Variants in SPATA31E1 observed in about 807,000 individuals in gnomAD.
SPATA31E1 encodes SPATA31 subfamily E member 1.
SPATA31E1 carries 7 observed loss-of-function variants against 12.9 expected under a neutral mutation model. That is an observed-to-expected ratio of 0.54 (90% CI 0.31 to 1.02). SPATA31E1 has a LOEUF of 1.02. SPATA31E1 is among the 50% of genes least tolerant of loss of function. The pLI is 0.05. For synonymous variants in SPATA31E1, 771 were observed against 719.0 expected, an observed-to-expected ratio of 1.07 and a Z score of -1.16; for missense variants, 1,961 against 1,799.8, an observed-to-expected ratio of 1.09 and a Z score of -1.62.
In SPATA31E1 at chr9:87,888,367, G is replaced by A. The variant is rs758329212; in HGVS notation, c.3880G>A (p.Ala1294Thr). 2.5e-5 allele frequency: 40 copies of A among 1,614,088 alleles called. No individual in the cohort carries two copies. The highest frequency in any genetic ancestry group is 5.1e-6 in the Non-Finnish European group (6 of 1,180,040). ...EDVLQKGKPG[A>T]DAFQSWGSGP... ...TGTCCTGCAGAAAGGCAAGCCTGGG[G>A]CAGATGCTTTCCAGAGCTGGGGGTC... Residue 1294 changes from alanine to threonine, a missense_variant, in exon 4 of 4, where the codon GCA becomes ACA. Physicochemically the swap from Ala to Thr is moderately conservative, Grantham distance 58. Coordinates refer to ENST00000325643, the MANE Select transcript of SPATA31E1 (RefSeq NM_178828.5).
In SPATA31E1 at chr9:87,886,929, G is replaced by A; in HGVS notation, c.2442G>A (p.Gly814=). Reference sequence around the variant, plus strand: ...GGAAGCTGGCATCCTGGAGGGGTGGGAAAGCCCACGTGAACACCTCCCAGG... The same window carrying A: ...GGAAGCTGGCATCCTGGAGGGGTGGAAAAGCCCACGTGAACACCTCCCAGG... ...KPGKLASWRG[G]KAHVNTSQEL... The change falls in exon 4 of 4, where the codon GGG becomes GGA. Residue 814 remains glycine, a synonymous_variant. Transcript: ENST00000325643. 1 of 1,614,078 alleles carries A rather than the reference G, an allele frequency of 6.2e-7. No individual in the cohort carries two copies. Among genetic ancestry groups the A allele is most frequent in the Non-Finnish European group, 8.5e-7 (1 of 1,180,016 alleles).
Position 87,887,780 on chromosome 9 carries a change from G to C in SPATA31E1, c.3293G>C (p.Ser1098Thr). 1 of 1,613,974 alleles carries C rather than the reference G, an allele frequency of 6.2e-7. No homozygotes were observed. Among genetic ancestry groups the C allele is most frequent in the Non-Finnish European group, 8.5e-7 (1 of 1,180,002 alleles). Residue 1098 changes from serine (S) to threonine (T), a missense_variant, in exon 4 of 4, where the codon AGT (serine) becomes ACT (threonine). By Grantham distance (58) the Ser-to-Thr change is moderately conservative (BLOSUM62 1). Coordinates refer to ENST00000325643, the MANE Select transcript of SPATA31E1 (RefSeq NM_178828.5). ...EQLHLKAQVVSEIALIVQVDS... is the reference protein window; with the variant it reads ...EQLHLKAQVVTEIALIVQVDS... ...CTGCACCTGAAAGCGCAGGTGGTCAGTGAGATTGCGCTCATAGTGCAGGTG... is the reference window on the plus strand; with the variant it reads ...CTGCACCTGAAAGCGCAGGTGGTCACTGAGATTGCGCTCATAGTGCAGGTG...
chr9:87,887,800 C>T lies in SPATA31E1; in HGVS notation c.3313C>T (p.Gln1105Ter), dbSNP rs1463750607. Residue 1105 changes from glutamine to a stop codon, truncating the protein, a stop_gained, in exon 4 of 4, where the codon CAG (glutamine) becomes TAG (stop). Transcript: ENST00000325643. LOFTEE classifies it low-confidence loss of function (END_TRUNC). ...GGTCAGTGAGATTGCGCTCATAGTG[C>T]AGGTGGACTCAGAGGAGCAGCTGCC... Reference protein sequence around the residue: ...QVVSEIALIVQVDSEEQLPGR... With the variant: ...QVVSEIALIV The T allele has an allele frequency of 5.0e-6, 8 of 1,613,928 alleles. No homozygotes were observed. The highest frequency in any genetic ancestry group is 4.0e-5 in the African/African-American group (3 of 75,050).
Position 87,888,611 on chromosome 9 carries a change from T to C in SPATA31E1, c.4124T>C (p.Leu1375Pro), listed in dbSNP as rs565801072. 2.5e-6 allele frequency: 4 copies of C among 1,613,904 alleles called. No homozygotes were observed. Among genetic ancestry groups the C allele is most frequent in the East Asian group, 2.2e-5 (1 of 44,850 alleles). Reference protein sequence around the residue: ...HQERSREMRALACSPKATPKG... With the variant: ...HQERSREMRAPACSPKATPKG... ...GAACGTAGCAGAGAGATGAGAGCTC[T>C]GGCCTGCAGCCCTAAAGCCACCCCC... The change falls in exon 4 of 4, where the codon CTG (leucine) becomes CCG (proline). Residue 1375 changes from leucine to proline, a missense_variant. Leu to Pro is a moderately conservative substitution (Grantham distance 98). Transcript: ENST00000325643.
In SPATA31E1 at chr9:87,886,700, G is replaced by A. The variant is rs1380611446; in HGVS notation, c.2213G>A (p.Gly738Asp). 4 of 1,613,838 alleles carry A rather than the reference G, an allele frequency of 2.5e-6. No individual in the cohort carries two copies. Among genetic ancestry groups the A allele is most frequent in the Admixed American group, 3.3e-5 (2 of 60,000 alleles). Residue 738 changes from glycine to aspartate, a missense_variant, in exon 4 of 4, where the codon GGT becomes GAT. By Grantham distance (94) the Gly-to-Asp change is moderately conservative. Coordinates refer to ENST00000325643, the MANE Select transcript of SPATA31E1 (RefSeq NM_178828.5). ...CTGGACGAAGACAAGGAGGCAGAAG[G>A]TGACTTACGGAGGTCCTGGAAGTAC... is the stretch of plus-strand genomic sequence containing the variant. ...KALDEDKEAE[G>D]DLRRSWKYQS...
intron 1 of SPATA31E1, 26 bp from the exon 2 acceptor site, chr9:87,883,966 G>GCC: frequency 1.9e-6 from 3 of 1,596,814 alleles, no homozygotes; most frequent in Non-Finnish European, 2.6e-6. Flanking sequence ...ACTGGTCCCA[G>GCC]CCCCTCATCC....
Position 87,888,589 on chromosome 9 carries a change from C to T in SPATA31E1, c.4102C>T (p.Arg1368Cys), listed in dbSNP as rs376594685. The change falls in exon 4 of 4, where the codon CGT becomes TGT. Residue 1368 changes from arginine (R) to cysteine (C), a missense_variant. Arg to Cys is a radical substitution (Grantham distance 180, BLOSUM62 -3). Coordinates refer to ENST00000325643, the MANE Select transcript of SPATA31E1 (RefSeq NM_178828.5). ...CCACAGGGGTCACTGCCACCAAGAA[C>T]GTAGCAGAGAGATGAGAGCTCTGGC... ...CCHRGHCHQERSREMRALACS... is the reference protein window; with the variant it reads ...CCHRGHCHQECSREMRALACS... 215 of 1,614,022 alleles carry T rather than the reference C, an allele frequency of 1.3e-4. 1 individual carries two copies. Among genetic ancestry groups the T allele is most frequent in the South Asian group, 8.5e-4 (77 of 91,082 alleles).
Position 87,886,503 on chromosome 9 carries a change from G to A in SPATA31E1, c.2016G>A (p.Gln672=). The A allele has an allele frequency of 6.2e-7, 1 of 1,613,836 alleles. No individual in the cohort carries two copies. Among genetic ancestry groups the A allele is most frequent in the Non-Finnish European group, 8.5e-7 (1 of 1,179,868 alleles). ...CCCAGAGTCAGGCAGAAGACACGCA[G>A]CAGGCCCTCTTGCCCTCCCAGCCTT... ...GRPQSQAEDT[Q]QALLPSQPSD... Residue 672 remains glutamine, a synonymous_variant, in exon 4 of 4, where the codon CAG becomes CAA. Transcript: ENST00000325643.
At position 87,884,507 on chromosome 9, in the gene SPATA31E1, G is replaced by A; in HGVS notation, c.365-84G>A. 4 of 1,419,106 alleles carry A rather than the reference G, an allele frequency of 2.8e-6. No individual in the cohort carries two copies. In the South Asian group the frequency reaches 4.6e-5, roughly 16 times the overall value. The allele number at this position is 1,419,106 out of a possible 1,614,324, so 87.9% of individuals were successfully genotyped here. A position where few individuals can be genotyped will look rare whatever the true frequency, so the allele number is the denominator to read the frequency against. On this transcript the variant is annotated intron_variant, in intron 2 of 3. Coordinates refer to ENST00000325643, the MANE Select transcript of SPATA31E1 (RefSeq NM_178828.5). Reference sequence around the variant, plus strand: ...GCTTCAGGGTCTAGTCCCCCATGGTGTCCCCTAAAAAGACATCCACTCAGC... The same window carrying A: ...GCTTCAGGGTCTAGTCCCCCATGGTATCCCCTAAAAAGACATCCACTCAGC...
rs1176796647 is a variant in SPATA31E1 at position 87,885,292 on chromosome 9, G to A, written c.805G>A (p.Gly269Ser). The change falls in exon 4 of 4, where the codon GGC becomes AGC. Residue 269 changes from glycine (G) to serine (S), a missense_variant. Transcript: ENST00000325643. ...PDSSLAGLQC[G>S]STTCPVPQSS... The stretch of plus-strand genomic sequence containing the variant: ...CTCCAGCCTGGCTGGACTTCAGTGT[G>A]GCTCCACAACATGCCCCGTCCCCCA... The A allele has an allele frequency of 2.5e-6, 4 of 1,613,928 alleles. No homozygotes were observed. Among genetic ancestry groups the A allele is most frequent in the African/African-American group, 2.7e-5 (2 of 74,900 alleles).
chr9:87,888,480 G>C lies in SPATA31E1; in HGVS notation c.3993G>C (p.Leu1331=). The stretch of plus-strand genomic sequence containing the variant: ...TGGGACAAATCCTGGTGGACAAACT[G>C]GGGCTTCAGTGGGGACGAGGTCCCT... ...RVVGQILVDK[L]GLQWGRGPSE... is the part of the protein sequence containing the mutation. The change falls in exon 4 of 4, where the codon CTG becomes CTC. Residue 1331 remains leucine, a synonymous_variant. Coordinates refer to ENST00000325643, the MANE Select transcript of SPATA31E1 (RefSeq NM_178828.5). 5.6e-6 allele frequency: 9 copies of C among 1,614,168 alleles called. No homozygotes were observed. Among genetic ancestry groups the C allele is most frequent in the Non-Finnish European group, 6.8e-6 (8 of 1,180,026 alleles).
chr9:87,883,221 C>T, intron 1 of SPATA31E1, 21 bp downstream of exon 1: 1 of 1,551,812 alleles, frequency 6.4e-7, no homozygotes, highest in Middle Eastern at 2.3e-4. Context: ...CTCAGCCCAG[C>T]CCCACAGAGA....
chr9:87,886,330 C>A lies in SPATA31E1; in HGVS notation c.1843C>A (p.Leu615Ile), dbSNP rs528431699. The A allele has an allele frequency of 6.2e-7, 1 of 1,613,634 alleles. No individual in the cohort carries two copies. ...ASWSPKSAPILPGVVTSPELP... is the reference protein window; with the variant it reads ...ASWSPKSAPIIPGVVTSPELP... ...CTGGAGCCCCAAGTCAGCCCCCATC[C>A]TTCCCGGGGTTGTCACCAGCCCTGA... Residue 615 changes from leucine to isoleucine, a missense_variant, in exon 4 of 4, where the codon CTT becomes ATT. Physicochemically the swap from Leu to Ile is conservative, Grantham distance 5. Coordinates refer to ENST00000325643, the MANE Select transcript of SPATA31E1 (RefSeq NM_178828.5).
At position 87,887,832 on chromosome 9, in the gene SPATA31E1, T is replaced by C. The variant is rs1225676895; in HGVS notation, c.3345T>C (p.Arg1115=). ...ACTCAGAGGAGCAGCTGCCAGGCCG[T>C]GCCCCGGGCATCCTCCTCCAGGACG... ...QVDSEEQLPG[R]APGILLQDGA... is the part of the protein sequence containing the mutation. The change falls in exon 4 of 4, where the codon CGT becomes CGC. Residue 1115 remains arginine, a synonymous_variant. Transcript: ENST00000325643. 1.2e-6 allele frequency: 2 copies of C among 1,613,884 alleles called. No homozygotes were observed. Among genetic ancestry groups the C allele is most frequent in the South Asian group, 2.2e-5 (2 of 91,082 alleles).
rs943155444 is a variant in SPATA31E1 at position 87,886,667 on chromosome 9, T to G, written c.2180T>G (p.Val727Gly). The G allele has an allele frequency of 1.2e-6, 2 of 1,613,864 alleles. No individual in the cohort carries two copies. The highest frequency in any genetic ancestry group is 1.7e-6 in the Non-Finnish European group (2 of 1,180,020). ...GATCAAGGCTCAGGAAGGACCTCAGTGAAGGCTCTGGACGAAGACAAGGAG... is the reference window on the plus strand; with the variant it reads ...GATCAAGGCTCAGGAAGGACCTCAGGGAAGGCTCTGGACGAAGACAAGGAG... ...SRDQGSGRTS[V>G]KALDEDKEAE... Residue 727 changes from valine (V) to glycine (G), a missense_variant, in exon 4 of 4, where the codon GTG (valine) becomes GGG (glycine). By Grantham distance (109) the Val-to-Gly change is moderately radical (BLOSUM62 -3). Coordinates refer to ENST00000325643, the MANE Select transcript of SPATA31E1 (RefSeq NM_178828.5).
Position 87,887,029 on chromosome 9 carries a change from T to C in SPATA31E1, c.2542T>C (p.Trp848Arg), listed in dbSNP as rs763112128. 6.2e-7 allele frequency: 1 copy of C among 1,614,106 alleles called. No individual in the cohort carries two copies. Among genetic ancestry groups the C allele is most frequent in the East Asian group, 2.2e-5 (1 of 44,868 alleles). ...TGTAAGGTTCTGTGTGAGGCACAGC[T>C]GGGGTACAGACCTCCAGTCCCTGGA... ...HLVRFCVRHS[W>R]GTDLQSLEPI... The change falls in exon 4 of 4, where the codon TGG (tryptophan) becomes CGG (arginine). Residue 848 changes from tryptophan (W) to arginine (R), a missense_variant. Coordinates refer to ENST00000325643, the MANE Select transcript of SPATA31E1 (RefSeq NM_178828.5).
rs1828265252 is a variant in SPATA31E1, at chr9:87,886,076, C to T, written c.1589C>T (p.Pro530Leu). 13 of 1,609,614 alleles carry T rather than the reference C, an allele frequency of 8.1e-6. No individual in the cohort carries two copies. Among genetic ancestry groups the T allele is most frequent in the Non-Finnish European group, 1.1e-5 (13 of 1,177,066 alleles). The change falls in exon 4 of 4, where the codon CCT becomes CTT. Residue 530 changes from proline to leucine, a missense_variant. Physicochemically the swap from Pro to Leu is moderately conservative, Grantham distance 98 (BLOSUM62 -3). Coordinates refer to ENST00000325643, the MANE Select transcript of SPATA31E1 (RefSeq NM_178828.5). ...EIQTQAHLSP[P>L]VPSLGCSSPP... ...CAGACCCAGGCCCACCTCTCACCCC[C>T]TGTCCCAAGCCTGGGGTGCTCTTCT...
In SPATA31E1 at chr9:87,886,661, C is replaced by T. The variant is rs1469884687; in HGVS notation, c.2174C>T (p.Thr725Ile). The change falls in exon 4 of 4, where the codon ACC becomes ATC. Residue 725 changes from threonine (T) to isoleucine (I), a missense_variant. Physicochemically the swap from Thr to Ile is moderately conservative, Grantham distance 89. Transcript: ENST00000325643. ...AGCCGGGATCAAGGCTCAGGAAGGA[C>T]CTCAGTGAAGGCTCTGGACGAAGAC... is the stretch of plus-strand genomic sequence containing the variant. ...DPSRDQGSGR[T>I]SVKALDEDKE... 1.2e-6 allele frequency: 2 copies of T among 1,613,920 alleles called. No individual in the cohort carries two copies. Among genetic ancestry groups the T allele is most frequent in the Non-Finnish European group, 1.7e-6 (2 of 1,180,014 alleles).
At position 87,887,332 on chromosome 9, in the gene SPATA31E1, T is replaced by C. The variant is rs774422045; in HGVS notation, c.2845T>C (p.Phe949Leu). Residue 949 changes from phenylalanine (F) to leucine (L), a missense_variant, in exon 4 of 4, where the codon TTT becomes CTT. Coordinates refer to ENST00000325643, the MANE Select transcript of SPATA31E1 (RefSeq NM_178828.5). ...TGATACCCATGGGCGATCAGAGGCCTTTCCGACTGGACACAAGGGCAGGGG... is the reference window on the plus strand; with the variant it reads ...TGATACCCATGGGCGATCAGAGGCCCTTCCGACTGGACACAAGGGCAGGGG... The part of the protein sequence containing the change: ...SADTHGRSEA[F>L]PTGHKGRGCS... 4.8e-5 allele frequency: 77 copies of C among 1,613,396 alleles called. No homozygotes were observed. Among genetic ancestry groups the C allele is most frequent in the Middle Eastern group, 1.6e-4 (1 of 6,084 alleles).
Sources: allele counts gnomAD v4.1 joint callset, GRCh38; gene constraint gnomAD v4.1.1; transcripts MANE v1.5; gene names NCBI Gene and HGNC (gene_info 2026-07-23, HGNC 2026-07-21).